The following SLIT2 variants were observed in gnomAD, a reference collection of about 807,000 sequenced individuals.
SLIT2 encodes slit homolog 2 protein.
In SLIT2, 41 loss-of-function variants were observed where a neutral mutation model predicts 185.7. That is an observed-to-expected ratio of 0.22 (90% CI 0.17 to 0.29). SLIT2 has a LOEUF of 0.29. SLIT2 is among the 10% of genes least tolerant of loss of function. SLIT2 has a pLI of 1.00. For synonymous variants in SLIT2, 693 were observed against 680.2 expected, an observed-to-expected ratio of 1.02 and a Z score of -0.29; for missense variants, 1,571 against 1,909.0, an observed-to-expected ratio of 0.82 and a Z score of 3.30.
intron 4 of SLIT2, among the ~76,000 whole-genome samples, chr4:20,450,638 A>AC (rs780030163): frequency 1.3e-5 from 2 of 152,204 alleles, no homozygotes. Flanking sequence ...TGGGTACACT[A>AC]TTTTTAACTA....
chr4:20,580,952 GA>G (rs1056085750), intron 29 of SLIT2, among the ~76,000 whole-genome samples: 4 of 151,682 alleles, frequency 2.6e-5, no homozygotes, highest in African/African-American at 9.7e-5. Context: ...ACGTAAAAAT[GA>G]AAAAAAGAAA....
At chr4:20,478,614 A>T (rs1163050513) in intron 5 of SLIT2, among the ~76,000 whole-genome samples, 1 of 152,204 alleles carries the variant, frequency 6.6e-6, no homozygotes, top group Non-Finnish European at 1.5e-5. Flanking sequence ...AAGGATAATA[A>T]GATATGGGCA....
chr4:20,464,057 A>G (rs2148735773), intron 4 of SLIT2, among the ~76,000 whole-genome samples: 1 of 152,022 alleles, frequency 6.6e-6, no homozygotes, highest in East Asian at 1.9e-4. Flanking sequence ...TTCTTCATGC[A>G]TCCCTAATAT....
In SLIT2 at chr4:20,617,537, T is replaced by G; in HGVS notation, c.4235T>G (p.Leu1412Arg). The G allele has an allele frequency of 6.2e-7, 1 of 1,614,024 alleles. No homozygotes were observed. Among genetic ancestry groups the G allele is most frequent in the Non-Finnish European group, 8.5e-7 (1 of 1,180,002 alleles). ...GTCCTCTGTGATGAAGAGGAGGATC[T>G]GTTTAACCCATGCCAGGCGATCAAG... The part of the protein sequence containing the change: ...GGVLCDEEED[L>R]FNPCQAIKCK... The change falls in exon 36 of 37, where the codon CTG becomes CGG. Residue 1412 changes from leucine to arginine, a missense_variant. Leu to Arg is a moderately radical substitution (Grantham distance 102). This residue lies in a region of SLIT2 where 223 missense variants were observed against 245.2 expected (regional missense o/e 0.91). Transcript: ENST00000504154.
chr4:20,502,228 AAG>A (rs1718807165), intron 9 of SLIT2, among the ~76,000 whole-genome samples: 1 of 152,234 alleles, frequency 6.6e-6, no homozygotes, highest in Admixed American at 6.5e-5. Flanking sequence ...ATTGGAGAAA[AAG>A]AAATATTAAA....
intron 4 of SLIT2, among the ~76,000 whole-genome samples, chr4:20,436,912 T>C (rs1308239026): frequency 6.6e-6 from 1 of 152,194 alleles, no homozygotes; most frequent in African/African-American, 2.4e-5. Context: ...TTTGTAAAAC[T>C]AGGCAAAGTC....
chr4:20,295,425 C>T (rs551399655), intron 4 of SLIT2, among the ~76,000 whole-genome samples: 4 of 152,236 alleles, frequency 2.6e-5, no homozygotes, highest in South Asian at 2.1e-4. Context: ...TGAACAAAGT[C>T]GACTTATGCT....
At chr4:20,511,594 T>TTTTTTTTTTTTA (rs1173070448) in intron 11 of SLIT2, among the ~76,000 whole-genome samples, 6 of 115,550 alleles carry the variant, frequency 5.2e-5, no homozygotes, top group East Asian at 5.0e-4. Flanking sequence ...CTAATTTTTT[T>TTTTTTTTTTTTA]TTTTTTTTTA....
chr4:20,302,870 T>A (rs941596824), intron 4 of SLIT2, among the ~76,000 whole-genome samples: 3 of 152,210 alleles, frequency 2.0e-5, no homozygotes, highest in Admixed American at 2.0e-4. Flanking sequence ...TGATTGTATA[T>A]GACGTGGAAC....
intron 4 of SLIT2, among the ~76,000 whole-genome samples, chr4:20,369,108 A>C (rs1195092178): frequency 6.6e-6 from 1 of 152,078 alleles, no homozygotes; most frequent in East Asian, 1.9e-4. Flanking sequence ...TTTTTCTCTA[A>C]GTGAGTCCAC....
intron 4 of SLIT2, among the ~76,000 whole-genome samples, chr4:20,317,971 A>G (rs567714996): frequency 2.1e-4 from 32 of 152,200 alleles, no homozygotes; most frequent in African/African-American, 7.5e-4. Context: ...CAAAATGCTG[A>G]TATGTTTTAA....
intron 4 of SLIT2, among the ~76,000 whole-genome samples, chr4:20,424,173 T>A (rs191183127): frequency 6.6e-6 from 1 of 152,250 alleles, no homozygotes; most frequent in African/African-American, 2.4e-5. Flanking sequence ...CCAGGAATGT[T>A]AAATTGATCA....
intron 4 of SLIT2, among the ~76,000 whole-genome samples, chr4:20,367,307 C>G (rs891008818): frequency 6.6e-6 from 1 of 152,042 alleles, no homozygotes; most frequent in Non-Finnish European, 1.5e-5. Context: ...TCTCTCTGTT[C>G]TTAGAGAACA....
At chr4:20,562,024 T>C (rs1333433118) in intron 26 of SLIT2, among the ~76,000 whole-genome samples, 6 of 151,820 alleles carry the variant, frequency 4.0e-5, no homozygotes, top group Non-Finnish European at 8.8e-5. Context: ...AAGTCACATG[T>C]AGGTGTTGCG....
At chr4:20,543,261 G>A (rs1019332355) in intron 21 of SLIT2, among the ~76,000 whole-genome samples, 1 of 152,012 alleles carries the variant, frequency 6.6e-6, no homozygotes, top group Non-Finnish European at 1.5e-5. Flanking sequence ...TTTCATAACT[G>A]ATATTTAACC....
intron 5 of SLIT2, among the ~76,000 whole-genome samples, chr4:20,477,993 A>G (rs913854289): frequency 2.0e-5 from 3 of 152,168 alleles, no homozygotes; most frequent in Non-Finnish European, 2.9e-5. Flanking sequence ...GCAGGGTGAA[A>G]CAAAAAGAGT....
intron 4 of SLIT2, among the ~76,000 whole-genome samples, chr4:20,344,877 A>C (rs998679332): frequency 2.0e-5 from 3 of 152,152 alleles, no homozygotes; most frequent in Non-Finnish European, 4.4e-5. Flanking sequence ...TTTAAATATG[A>C]AAGATATTTT....
chr4:20,502,029 A>G (rs1718788042), intron 9 of SLIT2, among the ~76,000 whole-genome samples: 1 of 152,202 alleles, frequency 6.6e-6, no homozygotes. Flanking sequence ...TTATTTAGGT[A>G]ACATACATGT....
chr4:20,478,977 T>C (rs919886588), intron 5 of SLIT2, among the ~76,000 whole-genome samples: 2 of 152,206 alleles, frequency 1.3e-5, no homozygotes, highest in Admixed American at 6.5e-5. Context: ...GAAAATAAAA[T>C]ACTTCTGCAT....
Sources: allele counts gnomAD v4.1 joint callset (sites outside exome capture counted in the v4.1 genomes callset), GRCh38; gene constraint gnomAD v4.1.1; regional missense constraint gnomAD v4.1.1; transcripts MANE v1.5; gene names NCBI Gene and HGNC (gene_info 2026-07-23, HGNC 2026-07-21).